Variants in SP4 observed in about 807,000 individuals in gnomAD.
SP4 encodes transcription factor Sp4.
In SP4, 19 loss-of-function variants were observed where a neutral mutation model predicts 72.8. The ratio of observed to expected loss-of-function variants is 0.26; its 90% CI spans 0.18 to 0.38. The LOEUF (loss-of-function observed/expected upper bound fraction) is 0.38, where lower values mean the gene tolerates loss of function less well. SP4 is among the 10% of genes least tolerant of loss of function. SP4 has a pLI of 1.00. For synonymous variants in SP4, 395 were observed against 333.1 expected (o/e 1.19, Z -2.02); for missense variants, 1,008 against 926.3 (o/e 1.09, Z -1.14).
chr7:21,470,712 G>A (rs900593278), intron 3 of SP4, among the ~76,000 whole-genome samples: 1 of 140,466 alleles, frequency 7.1e-6, no homozygotes, highest in East Asian at 2.1e-4. Context: ...CCAACAAACT[G>A]TCCCCCTCCA....
intron 3 of SP4, among the ~76,000 whole-genome samples, chr7:21,454,355 C>CTT (rs3060615): frequency 0.38 from 56,303 of 148,282 alleles, 11,351 homozygotes; most frequent in Non-Finnish European, 0.45. Context: ...CTTTTACTAA[C>CTT]TTTTTTTTTT....
At chr7:21,474,314 C>T (rs2128408342) in intron 3 of SP4, among the ~76,000 whole-genome samples, 1 of 152,294 alleles carries the variant, frequency 6.6e-6, no homozygotes, top group East Asian at 1.9e-4. Context: ...AGAATCACGG[C>T]CAAAAATACC....
intron 3 of SP4, among the ~76,000 whole-genome samples, chr7:21,456,146 C>G (rs578256384): frequency 6.6e-6 from 1 of 152,294 alleles, no homozygotes; most frequent in Admixed American, 6.5e-5. Flanking sequence ...GGAGGAACCT[C>G]TGGAGCACTT....
chr7:21,457,250 A>G (rs548994495), intron 3 of SP4, among the ~76,000 whole-genome samples: 2 of 152,202 alleles, frequency 1.3e-5, no homozygotes, highest in African/African-American at 2.4e-5. Context: ...TTTCTTGCCA[A>G]CTCTTATACT....
At chr7:21,506,792 CTCA>C (rs1782009573) in intron 5 of SP4, among the ~76,000 whole-genome samples, 1 of 152,192 alleles carries the variant, frequency 6.6e-6, no homozygotes, top group South Asian at 2.1e-4. Flanking sequence ...GGAGCATTTT[CTCA>C]TCTGATCTCT....
At chr7:21,462,794 G>C (rs549965661) in intron 3 of SP4, among the ~76,000 whole-genome samples, 3 of 151,926 alleles carry the variant, frequency 2.0e-5, no homozygotes, top group Non-Finnish European at 2.9e-5. Flanking sequence ...AATAGAAAGA[G>C]AACAGGGTAG....
At chr7:21,471,213 A>G (rs1784332403) in intron 3 of SP4, 1 of 487,622 alleles carries the variant, frequency 2.1e-6, no homozygotes, top group Non-Finnish European at 4.2e-6. Flanking sequence ...ATGCTAAGAA[A>G]TACTGACCTT....
chr7:21,463,143 A>C lies in SP4; in HGVS notation c.1679-13936A>C, dbSNP rs527467164. Among the ~76,000 whole-genome samples, 4 of 152,060 alleles carry C rather than the reference A, an allele frequency of 2.6e-5. No homozygotes were observed. The South Asian group carries it at 8.3e-4, about 32-fold the overall frequency. On this transcript the variant is annotated intron_variant, in intron 3 of 5. Coordinates refer to ENST00000222584, the MANE Select transcript of SP4 (RefSeq NM_003112.5). ...AGTGCTTCTAAAATGAGATTTTAAA[A>C]AGGTGAGTCAATGTTTGGAGAACCA...
intron 5 of SP4, among the ~76,000 whole-genome samples, chr7:21,484,242 C>T (rs1295199120): frequency 1.3e-5 from 2 of 151,868 alleles, no homozygotes; most frequent in Non-Finnish European, 2.9e-5. Flanking sequence ...TCAGATTTTG[C>T]ATGTGCACAA....
rs116709555 is a variant in SP4 at position 21,498,753 on chromosome 7, T to C, written c.2108-12269T>C. On this transcript the variant is annotated intron_variant, in intron 5 of 5. Transcript: ENST00000222584. ...CAATTAACACGTATTTTGCATGTTA[T>C]ATGTATAATAAACCAGATTCTTAAA... Among the ~76,000 whole-genome samples the C allele has an allele frequency of 9.8e-3, 1,492 of 152,282 alleles. 27 individuals are homozygous for C. The highest frequency in any genetic ancestry group is 0.034 in the African/African-American group (1,408 of 41,546).
Position 21,511,293 on chromosome 7 carries a change from C to CT in SP4, c.*25dup. 2 of 1,606,880 alleles carry CT rather than the reference C, an allele frequency of 1.2e-6. No individual in the cohort carries two copies. The highest frequency in any genetic ancestry group is 1.7e-6 in the Non-Finnish European group (2 of 1,175,654). On this transcript the variant is annotated 3_prime_UTR_variant, in exon 6 of 6. Transcript: ENST00000222584. ...GAAAAGTTATTTATAACAGAGACCT[C>CT]TAGTGCTGCACTTGTTTACACACCT...
intron 5 of SP4, among the ~76,000 whole-genome samples, chr7:21,505,964 A>C (rs1464484463): frequency 6.6e-6 from 1 of 151,872 alleles, no homozygotes; most frequent in Non-Finnish European, 1.5e-5. Context: ...TAACCCTCAC[A>C]AGGGGATTTA....
intron 3 of SP4, among the ~76,000 whole-genome samples, chr7:21,442,645 G>A (rs1783297881): frequency 6.6e-6 from 1 of 152,176 alleles, no homozygotes; most frequent in African/African-American, 2.4e-5. Flanking sequence ...CTCAAAGGAT[G>A]ACTAAAAAGT....
chr7:21,509,133 T>TGA (rs1782081763), intron 5 of SP4, among the ~76,000 whole-genome samples: 1 of 152,158 alleles, frequency 6.6e-6, no homozygotes, highest in Non-Finnish European at 1.5e-5. Context: ...AAAATAGTAA[T>TGA]GATATATATA....
At chr7:21,494,403 G>T (rs556592090) in intron 5 of SP4, among the ~76,000 whole-genome samples, 1 of 152,160 alleles carries the variant, frequency 6.6e-6, no homozygotes, top group East Asian at 1.9e-4. Context: ...CTACCAAAAA[G>T]CTTTTTGAAC....
At chr7:21,449,209 C>G (rs1783515775) in intron 3 of SP4, among the ~76,000 whole-genome samples, 1 of 152,218 alleles carries the variant, frequency 6.6e-6, no homozygotes, top group Admixed American at 6.5e-5. Flanking sequence ...CCTGTTTACC[C>G]TGCTTTGCCT....
intron 5 of SP4, among the ~76,000 whole-genome samples, chr7:21,498,305 A>G (rs1035744662): frequency 5.3e-5 from 8 of 152,228 alleles, no homozygotes; most frequent in Admixed American, 5.2e-4. Flanking sequence ...ATATGCAAAT[A>G]CTGTATGCAC....
At chr7:21,488,859 T>C (rs1180287594) in intron 5 of SP4, among the ~76,000 whole-genome samples, 1 of 152,184 alleles carries the variant, frequency 6.6e-6, no homozygotes, top group Admixed American at 6.5e-5. Context: ...ATGCACACTT[T>C]TATGTTACAT....
chr7:21,429,421 C>G lies in SP4; in HGVS notation c.256C>G (p.Gln86Glu). Residue 86 changes from glutamine to glutamate, a missense_variant, in exon 3 of 6, where the codon CAA becomes GAA. Transcript: ENST00000222584. ...PSQGLVQLQN[Q>E]PQQLELVTTQ... ...TCAAGGATTGGTGCAACTTCAAAATCAACCACAACAGCTAGAACTGGTAAC... is the reference window on the plus strand; with the variant it reads ...TCAAGGATTGGTGCAACTTCAAAATGAACCACAACAGCTAGAACTGGTAAC... 6.2e-7 allele frequency: 1 copy of G among 1,614,156 alleles called. No individual in the cohort carries two copies. Among genetic ancestry groups the G allele is most frequent in the Non-Finnish European group, 8.5e-7 (1 of 1,180,008 alleles).
Sources: allele counts gnomAD v4.1 joint callset (sites outside exome capture counted in the v4.1 genomes callset), GRCh38; gene constraint gnomAD v4.1.1; transcripts MANE v1.5; gene names NCBI Gene and HGNC (gene_info 2026-07-23, HGNC 2026-07-21).